SYCP2: variants seen among roughly 807,000 people sequenced by gnomAD.
SYCP2 encodes the protein synaptonemal complex lateral element protein.
In SYCP2, 55 loss-of-function variants were observed where a neutral mutation model predicts 211.3. The ratio of observed to expected loss-of-function variants is 0.26; its 90% CI spans 0.21 to 0.33. The LOEUF is 0.33. Among genes scored for constraint, SYCP2 ranks in the 10% least tolerant of loss-of-function variants. The pLI, the probability that SYCP2 is intolerant of heterozygous loss-of-function variation, is 1.00. For synonymous variants in SYCP2, 570 were observed against 555.2 expected, an observed-to-expected ratio of 1.03 and a Z score of -0.37; for missense variants, 1,731 against 1,752.0, an observed-to-expected ratio of 0.99 and a Z score of 0.21.
At chr20:59,933,253 G>C (rs2060805220) in intron 1 of SYCP2, 1 of 151,430 alleles carries the variant, frequency 6.6e-6, no homozygotes, top group African/African-American at 2.4e-5. Flanking sequence ...GCCCACGCGC[G>C]GGGGCGGCTC....
chr20:59,877,953 A>G (rs1424618964), intron 32 of SYCP2, 55 bp downstream of exon 32: 10 of 1,346,710 alleles, frequency 7.4e-6, no homozygotes, highest in African/African-American at 2.9e-5. Context: ...TTATTTTTAT[A>G]TGGCAAGAAA....
At chr20:59,907,218 A>G in intron 15 of SYCP2, 146 bp downstream of exon 15, 1 of 616,410 alleles carries the variant, frequency 1.6e-6, no homozygotes, top group South Asian at 2.0e-5. Flanking sequence ...ACATGGGATC[A>G]AGGTGTTTGA....
At chr20:59,905,811 G>T (rs972627438) in intron 15 of SYCP2, among the ~76,000 whole-genome samples, 2 of 152,104 alleles carry the variant, frequency 1.3e-5, no homozygotes, top group Non-Finnish European at 2.9e-5. Flanking sequence ...CAAAGATTGG[G>T]AAGTAGGCAA....
At chr20:59,878,942 A>G (rs929914407) in intron 31 of SYCP2, among the ~76,000 whole-genome samples, 1 of 152,154 alleles carries the variant, frequency 6.6e-6, no homozygotes, top group South Asian at 2.1e-4. Context: ...AAGTCAACTC[A>G]AACACATTAA....
At chr20:59,891,342 C>CA (rs1568938686) in intron 24 of SYCP2, among the ~76,000 whole-genome samples, 1 of 151,912 alleles carries the variant, frequency 6.6e-6, no homozygotes, top group Admixed American at 6.6e-5. Flanking sequence ...GTAACTGTTA[C>CA]AAAAAAGTAA....
intron 34 of SYCP2, among the ~76,000 whole-genome samples, chr20:59,874,624 C>T (rs1283365526): frequency 6.6e-6 from 1 of 151,922 alleles, no homozygotes. Flanking sequence ...TTAGAGGAAG[C>T]AGAAGTATAC....
intron 14 of SYCP2, among the ~76,000 whole-genome samples, chr20:59,909,221 C>T (rs944962171): frequency 6.6e-6 from 1 of 152,172 alleles, no homozygotes; most frequent in Non-Finnish European, 1.5e-5. Flanking sequence ...CTCATTAAAA[C>T]CCATGGTTCT....
rs141024636 is a variant in SYCP2 at position 59,931,419 on chromosome 20, T to G, written c.-47+643A>C. On this transcript the variant is annotated intron_variant, in intron 2 of 44. Transcript: ENST00000357552. ...CAATAATAATCATCATAGCCATACATGTAGTTTTCTGTTTTGATGCAGTGA... is the reference window on the plus strand; with the variant it reads ...CAATAATAATCATCATAGCCATACAGGTAGTTTTCTGTTTTGATGCAGTGA... Among the ~76,000 whole-genome samples, 9 of 152,324 alleles carry G rather than the reference T, an allele frequency of 5.9e-5. No homozygotes were observed. The East Asian group carries it at 1.5e-3, about 26-fold the overall frequency.
At chr20:59,865,783 A>T (rs1472732463) in intron 42 of SYCP2, 24 bp downstream of exon 42, 5 of 1,265,124 alleles carry the variant, frequency 4.0e-6, no homozygotes, top group Non-Finnish European at 5.3e-6. Flanking sequence ...TATAGATTAT[A>T]GCCATTAAGA....
chr20:59,889,146 T>C (rs528503242), intron 24 of SYCP2, among the ~76,000 whole-genome samples: 13 of 152,146 alleles, frequency 8.5e-5, no homozygotes, highest in African/African-American at 2.6e-4. Context: ...TGCAATACTG[T>C]AATGGTAGAT....
intron 18 of SYCP2, among the ~76,000 whole-genome samples, 182 bp from the exon 19 acceptor site, chr20:59,896,710 G>C (rs1044883237): frequency 6.6e-6 from 1 of 151,924 alleles, no homozygotes; most frequent in Admixed American, 6.6e-5. Flanking sequence ...CTTCATGTTT[G>C]GTATTAAATA....
chr20:59,930,171 C>G (rs1158168202), intron 2 of SYCP2, among the ~76,000 whole-genome samples: 1 of 152,140 alleles, frequency 6.6e-6, no homozygotes, highest in Non-Finnish European at 1.5e-5. Context: ...TTTCAGGCCC[C>G]TGAACTTCCT....
At chr20:59,891,937 A>G in intron 24 of SYCP2, 53 bp downstream of exon 24, 1 of 1,426,082 alleles carries the variant, frequency 7.0e-7, no homozygotes, top group Non-Finnish European at 9.5e-7. Context: ...TTCTTATGTT[A>G]TCAAGTAGGC....
intron 31 of SYCP2, 114 bp downstream of exon 31, chr20:59,880,189 G>C (rs1244598219): frequency 2.6e-6 from 2 of 783,340 alleles, no homozygotes; most frequent in Admixed American, 3.2e-5. Context: ...TCCTATCCAT[G>C]AAAGTATGTA....
intron 15 of SYCP2, among the ~76,000 whole-genome samples, chr20:59,906,356 C>T (rs1706237967): frequency 1.3e-5 from 2 of 151,958 alleles, no homozygotes; most frequent in South Asian, 2.1e-4. Flanking sequence ...AAAAGTAGAC[C>T]TATGATAAAT....
At chr20:59,883,858 G>T in intron 26 of SYCP2, among the ~76,000 whole-genome samples, 1 of 151,962 alleles carries the variant, frequency 6.6e-6, no homozygotes, top group East Asian at 1.9e-4. Context: ...ATAGTTTGTT[G>T]CACCAACCTA....
rs1396069987 is a variant in SYCP2, at chr20:59,892,022, G to A, written c.2332C>T (p.Leu778Phe). 1.6e-5 allele frequency: 25 copies of A among 1,602,544 alleles called. No individual in the cohort carries two copies. The highest frequency in any genetic ancestry group is 2.1e-5 in the Non-Finnish European group (25 of 1,176,072). ...RKAEKELTSE[L>F]NSWDSKQKKM... is the part of the protein sequence containing the mutation. The stretch of plus-strand genomic sequence containing the variant: ...TTTTGTTTCGAATCCCAGGAATTAA[G>A]CTCAGAAGTCAATTCTTTCTCTGCT... Residue 778 changes from leucine to phenylalanine, a missense_variant, in exon 24 of 45, where the codon CTT becomes TTT. By Grantham distance (22) the Leu-to-Phe change is conservative. Around this residue, in one of 3 missense-constraint regions of SYCP2, gnomAD observed 1,387 missense variants for 1,351.3 expected, o/e 1.03. Coordinates refer to ENST00000357552, the MANE Select transcript of SYCP2 (RefSeq NM_014258.4).
chr20:59,923,901 T>C (rs1002877996), intron 2 of SYCP2, among the ~76,000 whole-genome samples: 2 of 151,740 alleles, frequency 1.3e-5, no homozygotes, highest in African/African-American at 2.4e-5. Context: ...AGGTGATAGA[T>C]TAAAAGTTAC....
rs763322560 is a variant in SYCP2 at position 59,916,562 on chromosome 20, T to G, written c.437A>C (p.Gln146Pro). 4 of 1,598,948 alleles carry G rather than the reference T, an allele frequency of 2.5e-6. No homozygotes were observed. The Admixed American group carries it at 5.0e-5, about 20-fold the overall frequency. The change falls in exon 8 of 45, where the codon CAA (glutamine) becomes CCA (proline). Residue 146 changes from glutamine (Q) to proline (P), a missense_variant. By Grantham distance (76) the Gln-to-Pro change is moderately conservative. Around this residue, in one of 3 missense-constraint regions of SYCP2, gnomAD observed 335 missense variants for 378.8 expected, o/e 0.88. Coordinates refer to ENST00000357552, the MANE Select transcript of SYCP2 (RefSeq NM_014258.4). ...GCGAGGTACGAAACTTTCCACTACT[T>G]GTTTTTTACCTGAATAAAAGTGTTA... ...IHDVSDEGKK[Q>P]VVESFVPRIC...
Sources: gnomAD v4.1 joint callset for allele counts (sites outside exome capture counted in the v4.1 genomes callset) on GRCh38, gnomAD v4.1.1 for gene constraint, gnomAD v4.1.1 regional missense constraint, MANE v1.5 for transcripts, NCBI Gene and HGNC (gene_info 2026-07-23, HGNC 2026-07-21) for gene names.